The following ST6GALNAC5 variants were observed in gnomAD, a reference collection of about 807,000 sequenced individuals.
The protein encoded by ST6GALNAC5 is ST6 N-acetylgalactosaminide alpha-2,6-sialyltransferase 5, also known as alpha-N-acetylgalactosaminide alpha-2,6-sialyltransferase 5.
Under a neutral mutation model 33.6 loss-of-function variants are expected in ST6GALNAC5, and 27 were observed. The observed-to-expected ratio is 0.80, with a 90% CI of 0.59 to 1.11. The LOEUF is 1.11. Among genes scored for constraint, ST6GALNAC5 ranks in the 50% least tolerant of loss-of-function variants. ST6GALNAC5 has a pLI of 0.00. For synonymous variants in ST6GALNAC5, 194 were observed against 171.2 expected (o/e 1.13, Z -1.04); for missense variants, 428 against 454.0 (o/e 0.94, Z 0.52).
At chr1:76,892,046 C>A (rs1654025033) in intron 2 of ST6GALNAC5, among the ~76,000 whole-genome samples, 1 of 152,162 alleles carries the variant, frequency 6.6e-6, no homozygotes. Flanking sequence ...GACTGTGCAG[C>A]CGAGAATTTA....
intron 2 of ST6GALNAC5, among the ~76,000 whole-genome samples, chr1:77,000,896 C>T (rs1364830889): frequency 1.3e-5 from 2 of 152,040 alleles, no homozygotes; most frequent in African/African-American, 2.4e-5. Flanking sequence ...TTACTGTAGC[C>T]TTGTAATATA....
intron 2 of ST6GALNAC5, among the ~76,000 whole-genome samples, chr1:76,987,606 A>G (rs1404886215): frequency 1.3e-5 from 2 of 152,188 alleles, no homozygotes; most frequent in East Asian, 3.9e-4. Context: ...CCCAAGAGAA[A>G]TGAAAACATG....
At chr1:76,962,860 T>G (rs1400512390) in intron 2 of ST6GALNAC5, among the ~76,000 whole-genome samples, 1 of 152,198 alleles carries the variant, frequency 6.6e-6, no homozygotes, top group Non-Finnish European at 1.5e-5. Flanking sequence ...TATATTCTAT[T>G]GACTCCAAAA....
intron 2 of ST6GALNAC5, among the ~76,000 whole-genome samples, chr1:76,907,097 CTCTT>C (rs1295397874): frequency 6.6e-6 from 1 of 152,150 alleles, no homozygotes; most frequent in East Asian, 1.9e-4. Context: ...TACCACTTGA[CTCTT>C]TCAACATTCT....
chr1:77,022,864 A>G (rs1232705084), intron 2 of ST6GALNAC5, among the ~76,000 whole-genome samples: 1 of 151,848 alleles, frequency 6.6e-6, no homozygotes, highest in Non-Finnish European at 1.5e-5. Flanking sequence ...TTCTTTATGG[A>G]TATATATTTC....
chr1:76,931,009 G>C (rs1213080901), intron 2 of ST6GALNAC5, among the ~76,000 whole-genome samples: 1 of 152,088 alleles, frequency 6.6e-6, no homozygotes, highest in Non-Finnish European at 1.5e-5. Context: ...AAAGGGGATG[G>C]AATATTCATG....
chr1:76,980,118 A>G (rs947744456), intron 2 of ST6GALNAC5, among the ~76,000 whole-genome samples: 4 of 152,126 alleles, frequency 2.6e-5, no homozygotes, highest in Non-Finnish European at 4.4e-5. Flanking sequence ...TTTAAAAATT[A>G]ACATGAAATT....
intron 2 of ST6GALNAC5, among the ~76,000 whole-genome samples, chr1:77,028,745 G>A (rs1651341150): frequency 1.3e-5 from 2 of 152,100 alleles, no homozygotes; most frequent in Admixed American, 1.3e-4. Context: ...TATGAGCTCG[G>A]GTCTAGCATT....
chr1:76,934,094 C>A lies in ST6GALNAC5; in HGVS notation c.261+65352C>A, dbSNP rs559683746. 3.3e-5 allele frequency among the ~76,000 whole-genome samples: 5 copies of A among 152,124 alleles called. No homozygotes were observed. In the East Asian group the frequency reaches 9.7e-4, roughly 30 times the overall value. On this transcript the variant is annotated intron_variant, in intron 2 of 4. Transcript: ENST00000477717. ...TTTAGAGTCTGGGAAATGGAGGTTT[C>A]TGAGGTTACCTTTGAAACATCTTTG...
At chr1:76,965,214 C>CA (rs902663696) in intron 2 of ST6GALNAC5, among the ~76,000 whole-genome samples, 4 of 107,900 alleles carry the variant, frequency 3.7e-5, no homozygotes, top group Non-Finnish European at 7.5e-5. Flanking sequence ...ATTAGTTTAC[C>CA]ACCCCCCCCA....
At chr1:76,872,916 C>T (rs1370213642) in intron 2 of ST6GALNAC5, among the ~76,000 whole-genome samples, 1 of 152,166 alleles carries the variant, frequency 6.6e-6, no homozygotes, top group Non-Finnish European at 1.5e-5. Flanking sequence ...TGAGGAGTTG[C>T]AATAATGTAG....
At chr1:76,960,379 A>G (rs1188895389) in intron 2 of ST6GALNAC5, among the ~76,000 whole-genome samples, 1 of 152,150 alleles carries the variant, frequency 6.6e-6, no homozygotes, top group Non-Finnish European at 1.5e-5. Flanking sequence ...ATGCTTCACA[A>G]GGTAATAGAA....
In ST6GALNAC5 at chr1:76,871,900, C is replaced by A. The variant is rs1334468155; in HGVS notation, c.261+3158C>A. ...CCACCAACTCATTTCCATCGTGTTA[C>A]ATGTCTGTGTCTTCAGGTACTATAT... On this transcript the variant is annotated intron_variant, in intron 2 of 4. Transcript: ENST00000477717. 4.6e-5 allele frequency among the ~76,000 whole-genome samples: 7 copies of A among 152,102 alleles called. No individual in the cohort carries two copies. In the South Asian group the frequency reaches 1.5e-3, roughly 32 times the overall value.
In ST6GALNAC5 at chr1:77,032,433, AG is replaced by A. The variant is rs532273087; in HGVS notation, c.262-11769del. 2.7e-4 allele frequency among the ~76,000 whole-genome samples: 41 copies of A among 152,284 alleles called. No individual in the cohort carries two copies. The East Asian group carries it at 7.2e-3, about 27-fold the overall frequency. On this transcript the variant is annotated intron_variant, in intron 2 of 4. Coordinates refer to ENST00000477717, the MANE Select transcript of ST6GALNAC5 (RefSeq NM_030965.3). ...GGTGGAGTCAGGGGAAGCAACCTGC[AG>A]GAAGATAGAAATGATTAACGTCAAC...
intron 2 of ST6GALNAC5, among the ~76,000 whole-genome samples, chr1:76,942,501 T>C (rs1458721967): frequency 2.0e-5 from 3 of 152,204 alleles, no homozygotes; most frequent in Non-Finnish European, 2.9e-5. Context: ...TCTATGGAGA[T>C]ACTTATCAAG....
chr1:76,875,439 G>C (rs1471711061), intron 2 of ST6GALNAC5, among the ~76,000 whole-genome samples: 1 of 152,128 alleles, frequency 6.6e-6, no homozygotes, highest in Non-Finnish European at 1.5e-5. Context: ...GTAGTGGACT[G>C]ATTTCATCTT....
At chr1:77,055,968 CATT>C (rs1218008721) in intron 4 of ST6GALNAC5, among the ~76,000 whole-genome samples, 1 of 152,198 alleles carries the variant, frequency 6.6e-6, no homozygotes, top group Non-Finnish European at 1.5e-5. Context: ...GTGCCAGGCA[CATT>C]AAAACTATAA....
intron 2 of ST6GALNAC5, among the ~76,000 whole-genome samples, chr1:77,015,360 C>G (rs546527566): frequency 9.2e-5 from 14 of 152,220 alleles, no homozygotes; most frequent in Non-Finnish European, 1.8e-4. Flanking sequence ...ATAATGCCAA[C>G]CACACTGGGT....
At chr1:76,911,354 A>G (rs1434625256) in intron 2 of ST6GALNAC5, among the ~76,000 whole-genome samples, 1 of 152,096 alleles carries the variant, frequency 6.6e-6, no homozygotes, top group Non-Finnish European at 1.5e-5. Context: ...CCAGTATTTT[A>G]TTGAGGATTT....
Sources: gnomAD v4.1 joint callset for allele counts (sites outside exome capture counted in the v4.1 genomes callset) on GRCh38, gnomAD v4.1.1 for gene constraint, MANE v1.5 for transcripts, NCBI Gene and HGNC (gene_info 2026-07-23, HGNC 2026-07-21) for gene names.